Variants in TTC7A observed in about 807,000 individuals in gnomAD.
The protein encoded by TTC7A is tetratricopeptide repeat domain 7A.
Under a neutral mutation model 103.7 loss-of-function variants are expected in TTC7A, and 110 were observed. That is an observed-to-expected ratio of 1.06 (90% CI 0.91 to 1.24). The LOEUF (loss-of-function observed/expected upper bound fraction) is 1.24, where lower values mean the gene tolerates loss of function less well. Ranked by LOEUF, TTC7A falls within the 50% of genes most tolerant of loss-of-function variation. The pLI, the probability that TTC7A is intolerant of heterozygous loss-of-function variation, is 0.00. For synonymous variants in TTC7A, 521 were observed against 467.9 expected (o/e 1.11, Z -1.47); for missense variants, 1,340 against 1,116.3 (o/e 1.20, Z -2.86).
intron 3 of TTC7A, among the ~76,000 whole-genome samples, chr2:46,962,510 G>A (rs575694925): frequency 2.0e-4 from 31 of 152,212 alleles, no homozygotes; most frequent in Non-Finnish European, 4.3e-4. Flanking sequence ...TGCTGGGAAT[G>A]CCAAGTTAGG....
At chr2:47,004,765 A>G (rs1257315404) in intron 8 of TTC7A, among the ~76,000 whole-genome samples, 1 of 151,774 alleles carries the variant, frequency 6.6e-6, no homozygotes, top group Non-Finnish European at 1.5e-5. Flanking sequence ...GTGGGGGTGG[A>G]TATGTTACCA....
chr2:46,945,155 C>T (rs1670823156), intron 1 of TTC7A, among the ~76,000 whole-genome samples: 1 of 151,932 alleles, frequency 6.6e-6, no homozygotes, highest in African/African-American at 2.4e-5. Context: ...TTCTTAGAGA[C>T]AAGGTCTTAC....
At chr2:46,993,161 T>C (rs766548423) in intron 5 of TTC7A, among the ~76,000 whole-genome samples, 1 of 152,246 alleles carries the variant, frequency 6.6e-6, no homozygotes, top group Non-Finnish European at 1.5e-5. Context: ...GGTCACACCT[T>C]GTTTGAGATA....
At chr2:47,049,855 C>A in intron 16 of TTC7A, 94 bp from the exon 17 acceptor site, 1 of 924,780 alleles carries the variant, frequency 1.1e-6, no homozygotes, top group Non-Finnish European at 1.7e-6. Flanking sequence ...CCCATTCTCC[C>A]TGCCAGTCCT....
intron 8 of TTC7A, among the ~76,000 whole-genome samples, chr2:47,005,698 C>G (rs1024333295): frequency 1.3e-5 from 2 of 152,196 alleles, no homozygotes; most frequent in Non-Finnish European, 2.9e-5. Context: ...CCCCTCAGAA[C>G]TGCTCCCTCA....
chr2:46,929,322 A>G (rs926225144), intron 2 of TTC7A, among the ~76,000 whole-genome samples: 2 of 152,102 alleles, frequency 1.3e-5, no homozygotes, highest in Admixed American at 6.6e-5. Context: ...CCATGTCTAT[A>G]GGAAAAATTT....
At chr2:46,922,778 C>T (rs531762426) in intron 2 of TTC7A, among the ~76,000 whole-genome samples, 3 of 152,242 alleles carry the variant, frequency 2.0e-5, no homozygotes, top group East Asian at 1.9e-4. Flanking sequence ...CACATCAATT[C>T]TGCAGCAGAC....
At chr2:47,025,394 T>C (rs555377652) in intron 14 of TTC7A, among the ~76,000 whole-genome samples, 2 of 152,276 alleles carry the variant, frequency 1.3e-5, no homozygotes, top group East Asian at 3.9e-4. Context: ...CCTGACCCTT[T>C]TGGAGTTGGG....
chr2:47,042,475 T>G (rs554157526), intron 15 of TTC7A, among the ~76,000 whole-genome samples: 381 of 151,738 alleles, frequency 2.5e-3, no homozygotes, highest in Non-Finnish European at 4.2e-3. Flanking sequence ...GCACTCTGCC[T>G]GGGCAGCAGA....
At position 47,047,705 on chromosome 2, in the gene TTC7A, C is replaced by T. The variant is rs952644766; in HGVS notation, c.1919+1274C>T. Among the ~76,000 whole-genome samples, 7 of 152,214 alleles carry T rather than the reference C, an allele frequency of 4.6e-5. No homozygotes were observed. The East Asian group carries it at 1.3e-3, about 29-fold the overall frequency. On this transcript the variant is annotated intron_variant, in intron 16 of 19. Coordinates refer to ENST00000319190, the MANE Select transcript of TTC7A (RefSeq NM_020458.4). ...CTCCAAGTGGTCAGTCGTGGTGGGACCCCTCTGAGCTGCAGCCTTGTCTCC... is the reference window on the plus strand; with the variant it reads ...CTCCAAGTGGTCAGTCGTGGTGGGATCCCTCTGAGCTGCAGCCTTGTCTCC...
intron 11 of TTC7A, among the ~76,000 whole-genome samples, chr2:47,014,767 A>G (rs965438042): frequency 4.6e-5 from 7 of 152,232 alleles, no homozygotes; most frequent in African/African-American, 9.6e-5. Context: ...GGGGTGGTCA[A>G]TTTGGCCTGG....
chr2:47,052,100 C>T (rs1328161556), intron 18 of TTC7A, among the ~76,000 whole-genome samples: 2 of 152,288 alleles, frequency 1.3e-5, no homozygotes, highest in East Asian at 3.9e-4. Flanking sequence ...CAAGCCCAAA[C>T]GTGAGAGGAT....
intron 16 of TTC7A, 134 bp downstream of exon 16, chr2:47,046,565 C>T: frequency 1.5e-6 from 1 of 686,282 alleles, no homozygotes; most frequent in Non-Finnish European, 2.6e-6. Flanking sequence ...GAACTTCCTG[C>T]CCACAGAGCT....
At chr2:46,995,011 T>C in intron 7 of TTC7A, 125 bp from the exon 8 acceptor site, 1 of 830,832 alleles carries the variant, frequency 1.2e-6, no homozygotes, top group Non-Finnish European at 2.0e-6. Flanking sequence ...GCCCATGAAT[T>C]ATGCAGGAAG....
chr2:46,983,615 C>T (rs571137434), intron 5 of TTC7A, among the ~76,000 whole-genome samples: 13 of 152,312 alleles, frequency 8.5e-5, no homozygotes, highest in East Asian at 7.7e-4. Context: ...TTATGAAGCC[C>T]GGCACGGACC....
chr2:46,945,066 TTA>T (rs1670816758), intron 1 of TTC7A, among the ~76,000 whole-genome samples: 1 of 152,240 alleles, frequency 6.6e-6, no homozygotes, highest in South Asian at 2.1e-4. Flanking sequence ...TGTGTACCTA[TTA>T]ACCTTTTGCT....
In TTC7A at chr2:47,022,682, G is replaced by T. The variant is rs575975843; in HGVS notation, c.1510+703G>T. Among the ~76,000 whole-genome samples, 7 of 152,282 alleles carry T rather than the reference G, an allele frequency of 4.6e-5. No homozygotes were observed. In the South Asian group the frequency reaches 1.5e-3, roughly 32 times the overall value. On this transcript the variant is annotated intron_variant, in intron 12 of 19. Transcript: ENST00000319190. ...CAAACGCCAGTTGCTGGGAGCGGCA[G>T]TCACGGTGACATCGGGTATAAATGA...
At chr2:47,046,069 C>A (rs1682280977) in intron 15 of TTC7A, among the ~76,000 whole-genome samples, 1 of 152,238 alleles carries the variant, frequency 6.6e-6, no homozygotes, top group African/African-American at 2.4e-5. Flanking sequence ...CACGGGGCAT[C>A]AGCAGTGTGG....
intron 15 of TTC7A, chr2:47,045,431 A>G (rs1392109890): frequency 1.3e-5 from 2 of 152,238 alleles, no homozygotes; most frequent in Non-Finnish European, 2.9e-5. Flanking sequence ...GGAGCCAGCC[A>G]TCCCCGCTGA....
Sources: gnomAD v4.1 joint callset for allele counts (sites outside exome capture counted in the v4.1 genomes callset) on GRCh38, gnomAD v4.1.1 for gene constraint, MANE v1.5 for transcripts, NCBI Gene and HGNC (gene_info 2026-07-23, HGNC 2026-07-21) for gene names.